Variants in LARGE1 observed in about 807,000 individuals in gnomAD.
The protein encoded by LARGE1 is LARGE xylosyl- and glucuronyltransferase 1, also known as xylosyl- and glucuronyltransferase LARGE1.
In LARGE1, 43 loss-of-function variants were observed where a neutral mutation model predicts 87.6. The observed-to-expected ratio is 0.49, with a 90% CI of 0.38 to 0.63. The LOEUF (loss-of-function observed/expected upper bound fraction) is 0.63, where lower values mean the gene tolerates loss of function less well. Among genes scored for constraint, LARGE1 ranks in the 30% least tolerant of loss-of-function variants. The pLI is 0.00. For missense variants in LARGE1, 802 were observed against 1,000.2 expected, an observed-to-expected ratio of 0.80 and a Z score of 2.67; for synonymous variants, 434 against 394.6, an observed-to-expected ratio of 1.10 and a Z score of -1.18.
At chr22:33,792,699 C>CA (rs1321212568) in intron 1 of LARGE1, among the ~76,000 whole-genome samples, 4 of 152,028 alleles carry the variant, frequency 2.6e-5, no homozygotes, top group African/African-American at 7.2e-5. Context: ...AGCACAGAAG[C>CA]AAAAAAACAC....
intron 6 of LARGE1, among the ~76,000 whole-genome samples, chr22:33,484,007 C>G (rs2069453895): frequency 1.3e-5 from 2 of 152,078 alleles, no homozygotes; most frequent in Admixed American, 1.3e-4. Flanking sequence ...ATACGGGGTG[C>G]GGACAGTGAA....
At chr22:33,119,728 G>C in the LARGE1 span, among the ~76,000 whole-genome samples, 9 of 152,186 alleles carry the variant, frequency 5.9e-5, no homozygotes, top group Admixed American at 5.9e-4. Flanking sequence ...ACCCTGAGGG[G>C]TCTTTTTGTA....
At chr22:33,465,436 G>A (rs2068566372) in intron 6 of LARGE1, among the ~76,000 whole-genome samples, 2 of 152,334 alleles carry the variant, frequency 1.3e-5, no homozygotes, top group Non-Finnish European at 2.9e-5. Flanking sequence ...TCTTTAAACA[G>A]AATGTAAACA....
intron 7 of LARGE1, among the ~76,000 whole-genome samples, chr22:33,390,852 C>T (rs912014751): frequency 6.6e-6 from 1 of 152,030 alleles, no homozygotes; most frequent in African/African-American, 2.4e-5. Context: ...CGCCACCAGG[C>T]CTGGCTAATG....
intron 2 of LARGE1, among the ~76,000 whole-genome samples, chr22:33,684,146 A>T (rs2267261): frequency 0.53 from 81,117 of 151,942 alleles, 23,011 homozygotes; most frequent in African/African-American, 0.74. Flanking sequence ...GTCAGCAACA[A>T]CAGAAATCAT....
At chr22:33,794,910 G>A (rs879891600) in intron 1 of LARGE1, among the ~76,000 whole-genome samples, 5 of 101,400 alleles carry the variant, frequency 4.9e-5, no homozygotes, top group African/African-American at 7.9e-5. Context: ...GTGAGTCACC[G>A]TGCCCGGCCT....
At chr22:33,329,424 G>T (rs908042558) in intron 10 of LARGE1, among the ~76,000 whole-genome samples, 2 of 148,200 alleles carry the variant, frequency 1.3e-5, no homozygotes, top group Middle Eastern at 3.4e-3. Context: ...TACCTTTGTG[G>T]GTTTTTTTTT....
chr22:33,681,506 T>C (rs927812992), intron 2 of LARGE1, among the ~76,000 whole-genome samples: 1 of 152,178 alleles, frequency 6.6e-6, no homozygotes, highest in Admixed American at 6.5e-5. Flanking sequence ...ACAGGTATAG[T>C]GAAGATTAAA....
chr22:33,817,048 A>G (rs1348763371), intron 1 of LARGE1, among the ~76,000 whole-genome samples: 1 of 152,170 alleles, frequency 6.6e-6, no homozygotes, highest in African/African-American at 2.4e-5. Context: ...ATATGTGTAT[A>G]TATGTGTTTC....
At chr22:33,873,607 T>C (rs1045541208) in intron 1 of LARGE1, among the ~76,000 whole-genome samples, 4 of 152,138 alleles carry the variant, frequency 2.6e-5, no homozygotes, top group Non-Finnish European at 4.4e-5. Context: ...CCATAGAACC[T>C]GGGAAACAGC....
intron 11 of LARGE1, among the ~76,000 whole-genome samples, chr22:33,253,836 T>C (rs5998829): frequency 0.8 from 120,832 of 151,898 alleles, 48,640 homozygotes; most frequent in Non-Finnish European, 0.86. Context: ...TGCCAAAGGT[T>C]CCTATGCCCA....
At chr22:33,408,390 T>C (rs1007990752) in intron 7 of LARGE1, among the ~76,000 whole-genome samples, 1 of 152,230 alleles carries the variant, frequency 6.6e-6, no homozygotes, top group Non-Finnish European at 1.5e-5. Context: ...GGTCCGAGGT[T>C]GGAGAGGCAG....
chr22:33,454,110 T>C (rs1257964751), intron 6 of LARGE1, among the ~76,000 whole-genome samples: 1 of 152,196 alleles, frequency 6.6e-6, no homozygotes, highest in Non-Finnish European at 1.5e-5. Context: ...GTATGCATCA[T>C]TGCTTGCACT....
In LARGE1 at chr22:33,316,262, G is replaced by T; in HGVS notation, c.1288-14C>A. On this transcript the variant is annotated splice_polypyrimidine_tract_variant and intron_variant, in intron 10 of 14. Transcript: ENST00000397394. ...CTGCTTCTGGAGCTGCAGGGTAGGA[G>T]AGAGGGCTTGGGCACGTGAAGAAGA... 6.2e-7 allele frequency: 1 copy of T among 1,612,642 alleles called. No homozygotes were observed. Among genetic ancestry groups the T allele is most frequent in the Non-Finnish European group, 8.5e-7 (1 of 1,179,806 alleles).
intron 1 of LARGE1, among the ~76,000 whole-genome samples, chr22:33,828,712 T>C (rs1257504657): frequency 6.6e-6 from 1 of 152,174 alleles, no homozygotes; most frequent in Non-Finnish European, 1.5e-5. Context: ...CCAACACCAA[T>C]GTTAGCTTCA....
intron 9 of LARGE1, among the ~76,000 whole-genome samples, chr22:33,371,799 A>G (rs112676937): frequency 9.2e-5 from 14 of 152,256 alleles, no homozygotes; most frequent in African/African-American, 3.4e-4. Flanking sequence ...CCTGGCTAAC[A>G]CGGTGAAACC....
chr22:33,547,181 C>T (rs1472294955), intron 6 of LARGE1, among the ~76,000 whole-genome samples: 2 of 151,258 alleles, frequency 1.3e-5, no homozygotes, highest in African/African-American at 4.9e-5. Context: ...ACCTTTTTGG[C>T]ACTAGTGACC....
chr22:33,650,488 C>T lies in LARGE1; in HGVS notation c.287G>A (p.Gly96Asp), dbSNP rs1569341949. The T allele has an allele frequency of 2.5e-6, 4 of 1,613,816 alleles. No homozygotes were observed. Among genetic ancestry groups the T allele is most frequent in the East Asian group, 2.2e-5 (1 of 44,870 alleles). ...CATGGAGTAGGTCTTGGAGTGGTTGCCTCGGCGATGGGATGGGGCTCGGCC... is the reference window on the plus strand; with the variant it reads ...CATGGAGTAGGTCTTGGAGTGGTTGTCTCGGCGATGGGATGGGGCTCGGCC... ...AQGRAPSHRR[G>D]NHSKTYSMEE... Residue 96 changes from glycine (G) to aspartate (D), a missense_variant, in exon 3 of 15, where the codon GGC becomes GAC. By Grantham distance (94) the Gly-to-Asp change is moderately conservative (BLOSUM62 -1). Around this residue, in one of 2 missense-constraint regions of LARGE1, gnomAD observed 177 missense variants for 158.3 expected, o/e 1.12. Coordinates refer to ENST00000397394, the MANE Select transcript of LARGE1 (RefSeq NM_133642.5).
chr22:33,347,677 C>A (rs549277170), intron 9 of LARGE1, among the ~76,000 whole-genome samples: 1 of 152,180 alleles, frequency 6.6e-6, no homozygotes, highest in African/African-American at 2.4e-5. Flanking sequence ...GAGGAGCAGA[C>A]AAACCTACAA....
Sources: gnomAD v4.1 joint callset for allele counts (sites outside exome capture counted in the v4.1 genomes callset) on GRCh38, gnomAD v4.1.1 for gene constraint, gnomAD v4.1.1 regional missense constraint, MANE v1.5 for transcripts, NCBI Gene and HGNC (gene_info 2026-07-23, HGNC 2026-07-21) for gene names.